CEP70: variants seen among roughly 807,000 people sequenced by gnomAD.
CEP70 encodes centrosomal protein of 70 kDa.
Under a neutral mutation model 90.9 loss-of-function variants are expected in CEP70, and 70 were observed. That is an observed-to-expected ratio of 0.77 (90% confidence interval 0.64 to 0.94). The LOEUF is 0.94. CEP70 is among the 40% of genes least tolerant of loss of function. The pLI, the probability that CEP70 is intolerant of heterozygous loss-of-function variation, is 0.00. For synonymous variants in CEP70, 220 were observed against 228.3 expected, an observed-to-expected ratio of 0.96 and a Z score of 0.33; for missense variants, 648 against 669.0, an observed-to-expected ratio of 0.97 and a Z score of 0.35.
chr3:138,590,676 T>C (rs945527137), intron 2 of CEP70, among the ~76,000 whole-genome samples: 21 of 148,132 alleles, frequency 1.4e-4, no homozygotes, highest in Non-Finnish European at 2.5e-4. Flanking sequence ...CCGATCCTGG[T>C]GGTGTGTGCC....
rs1167263875 is a variant in CEP70, at chr3:138,564,799, C to T, written c.465+5519G>A. Among the ~76,000 whole-genome samples, 4 of 152,244 alleles carry T rather than the reference C, an allele frequency of 2.6e-5. No homozygotes were observed. The South Asian group carries it at 6.2e-4, about 24-fold the overall frequency. On this transcript the variant is annotated intron_variant, in intron 6 of 17. Transcript: ENST00000264982. ...TGAAAACCAGCACAAAACAAAGATG[C>T]CCTCTCTCACCACTCCTATTCAACA...
At position 138,577,300 on chromosome 3, in the gene CEP70, A is replaced by T. The variant is rs185934752; in HGVS notation, c.-5-4368T>A. Among the ~76,000 whole-genome samples the T allele has an allele frequency of 7.2e-4, 110 of 152,292 alleles. 1 individual carries two copies. Among genetic ancestry groups the T allele is most frequent in the African/African-American group, 2.5e-3 (104 of 41,554 alleles). On this transcript the variant is annotated intron_variant, in intron 2 of 17. Coordinates refer to ENST00000264982, the MANE Select transcript of CEP70 (RefSeq NM_024491.4). ...CATGGCACATGTATACATATGTAAC[A>T]AACCTGCACGCTGTCATGTACTCTA...
chr3:138,507,408 A>C (rs2035086250), intron 12 of CEP70, among the ~76,000 whole-genome samples: 1 of 152,174 alleles, frequency 6.6e-6, no homozygotes. Flanking sequence ...TTATTTTTTA[A>C]TTTGAAAAAC....
chr3:138,525,526 A>G lies in CEP70; in HGVS notation c.908T>C (p.Val303Ala). The change falls in exon 11 of 18, where the codon GTG becomes GCG. Residue 303 changes from valine (V) to alanine (A), a missense_variant. Physicochemically the swap from Val to Ala is moderately conservative, Grantham distance 64. Coordinates refer to ENST00000264982, the MANE Select transcript of CEP70 (RefSeq NM_024491.4). ...QHELRLYKQQ[V>A]KKLEKALKKN... ...CTTAAGGGCTTTTTCCAGCTTCTTC[A>G]CCTGCTGTTTATAAAGTCTTAATTC... 1 of 1,423,340 alleles carries G rather than the reference A, an allele frequency of 7.0e-7. No individual in the cohort carries two copies. Among genetic ancestry groups the G allele is most frequent in the Non-Finnish European group, 9.2e-7 (1 of 1,081,286 alleles). 88.2% of individuals were successfully genotyped at this position (1,423,340 alleles called of 1,614,324 possible). A position where few individuals can be genotyped will look rare whatever the true frequency, so the allele number is the denominator to read the frequency against.
At chr3:138,577,407 G>A (rs2041605769) in intron 2 of CEP70, among the ~76,000 whole-genome samples, 1 of 152,072 alleles carries the variant, frequency 6.6e-6, no homozygotes, top group Admixed American at 6.5e-5. Flanking sequence ...CCAGCACTTT[G>A]GGAGGCCAAG....
intron 6 of CEP70, among the ~76,000 whole-genome samples, chr3:138,537,761 G>A (rs866188928): frequency 9.9e-5 from 15 of 152,122 alleles, no homozygotes; most frequent in African/African-American, 2.2e-4. Flanking sequence ...CAAACTCACA[G>A]TAAGTCCATA....
intron 6 of CEP70, among the ~76,000 whole-genome samples, chr3:138,546,610 G>C (rs7627093): frequency 1.3e-5 from 2 of 152,056 alleles, no homozygotes; most frequent in African/African-American, 4.8e-5. Context: ...TTAGCTGGGC[G>C]TAGTGGTGGG....
In CEP70 at chr3:138,540,221, G is replaced by A. The variant is rs907645107; in HGVS notation, c.466-2874C>T. Among the ~76,000 whole-genome samples, 12 of 152,090 alleles carry A rather than the reference G, an allele frequency of 7.9e-5. No homozygotes were observed. The South Asian group carries it at 1.0e-3, about 13-fold the overall frequency. ...TTAAAAAAAAAAGCTTAGGCCAGGC[G>A]CGGTGGCTCATGCCTGTAATCCCAA... On this transcript the variant is annotated intron_variant, in intron 6 of 17. Transcript: ENST00000264982.
intron 6 of CEP70, among the ~76,000 whole-genome samples, chr3:138,549,466 T>G (rs2039462143): frequency 6.6e-6 from 1 of 151,910 alleles, no homozygotes; most frequent in Non-Finnish European, 1.5e-5. Flanking sequence ...ACAATCTGCA[T>G]GACACAGCAG....
chr3:138,544,204 C>A, intron 6 of CEP70, among the ~76,000 whole-genome samples: 1 of 150,242 alleles, frequency 6.7e-6, no homozygotes, highest in Non-Finnish European at 1.5e-5. Flanking sequence ...AACTACAAAG[C>A]AAAAATAAAA....
intron 12 of CEP70, among the ~76,000 whole-genome samples, chr3:138,506,831 T>C (rs547664461): frequency 2.0e-5 from 3 of 152,274 alleles, no homozygotes; most frequent in Non-Finnish European, 4.4e-5. Context: ...AGCGTTGAAT[T>C]CCTGGGCTCA....
intron 2 of CEP70, among the ~76,000 whole-genome samples, chr3:138,579,985 C>T (rs2041765744): frequency 6.6e-6 from 1 of 152,000 alleles, no homozygotes; most frequent in Admixed American, 6.6e-5. Flanking sequence ...GAAGCCACTG[C>T]CCTGAAAGGT....
Position 138,500,235 on chromosome 3 carries a change from GAAAT to G in CEP70, c.1538-15_1538-12del, listed in dbSNP as rs760522040. Reference sequence around the variant, plus strand: ...ATGAGGATGAACTATCTGCAAAAGAGAAATAAAAGGATATTTTAACAGAGAATTT... The same window carrying G: ...ATGAGGATGAACTATCTGCAAAAGAGAAAAGGATATTTTAACAGAGAATTT... On this transcript the variant is annotated splice_polypyrimidine_tract_variant and intron_variant, in intron 15 of 17. Coordinates refer to ENST00000264982, the MANE Select transcript of CEP70 (RefSeq NM_024491.4). The G allele has an allele frequency of 3.8e-6, 6 of 1,587,006 alleles. No individual in the cohort carries two copies. The Admixed American group carries it at 1.0e-4, about 27-fold the overall frequency.
In CEP70 at chr3:138,539,697, C is replaced by T. The variant is rs142701722; in HGVS notation, c.466-2350G>A. ...ACCTCAAAAGAGCAAATCTAAGAAT[C>T]ATTGGCCTTCAAGAAGGAGTTGAGA... On this transcript the variant is annotated intron_variant, in intron 6 of 17. Transcript: ENST00000264982. Among the ~76,000 whole-genome samples, 5 of 152,234 alleles carry T rather than the reference C, an allele frequency of 3.3e-5. No individual in the cohort carries two copies. In the East Asian group the frequency reaches 9.6e-4, roughly 29 times the overall value.
chr3:138,571,057 A>G lies in CEP70; in HGVS notation c.261T>C (p.Leu87=), dbSNP rs1292602050. The change falls in exon 5 of 18, where the codon CTT becomes CTC. Residue 87 remains leucine (L), a synonymous_variant. Coordinates refer to ENST00000264982, the MANE Select transcript of CEP70 (RefSeq NM_024491.4). ...ACCTAAGCTGTTGATTAGTTTCTAT[A>G]AGCTCCTGTATCATGTTCTGTTGAC... The part of the protein sequence containing the change: ...TSCQQNMIQE[L]IETNQQLRNE... 12 of 1,598,940 alleles carry G rather than the reference A, an allele frequency of 7.5e-6. No individual in the cohort carries two copies. The highest frequency in any genetic ancestry group is 1.7e-5 in the Admixed American group (1 of 57,746).
chr3:138,571,339 C>A lies in CEP70; in HGVS notation c.87G>T (p.Trp29Cys), dbSNP rs1269537443. 6.2e-7 allele frequency: 1 copy of A among 1,607,584 alleles called. No individual in the cohort carries two copies. The highest frequency in any genetic ancestry group is 8.5e-7 in the Non-Finnish European group (1 of 1,176,012). Residue 29 changes from tryptophan to cysteine, a missense_variant, in exon 4 of 18, where the codon TGG becomes TGT. Coordinates refer to ENST00000264982, the MANE Select transcript of CEP70 (RefSeq NM_024491.4). Reference sequence around the variant, plus strand: ...TCATCAATAGCACATTTATGCTTTCCCATTCTGCTTCTTCCTGCTACAATT... The same window carrying A: ...TCATCAATAGCACATTTATGCTTTCACATTCTGCTTCTTCCTGCTACAATT... ...MTEKQQEEAE[W>C]ESINVLLMMH...
intron 11 of CEP70, among the ~76,000 whole-genome samples, chr3:138,522,681 T>G (rs145028619): frequency 6.6e-6 from 1 of 151,788 alleles, no homozygotes; most frequent in Non-Finnish European, 1.5e-5. Flanking sequence ...CAGGAAGAAG[T>G]TGAATCTCTG....
At chr3:138,496,233 A>C (rs918798947) in intron 17 of CEP70, 1 of 984,950 alleles carries the variant, frequency 1.0e-6, no homozygotes, top group African/African-American at 1.8e-5. Flanking sequence ...TTGGATTCCA[A>C]CTCTCTCCAT....
At chr3:138,524,763 A>G (rs2037036301) in intron 11 of CEP70, among the ~76,000 whole-genome samples, 1 of 152,162 alleles carries the variant, frequency 6.6e-6, no homozygotes, top group Non-Finnish European at 1.5e-5. Flanking sequence ...GTCAGGAAAC[A>G]ACAGGTGCTG....
Sources: gnomAD v4.1 joint callset for allele counts (sites outside exome capture counted in the v4.1 genomes callset) on GRCh38, gnomAD v4.1.1 for gene constraint, MANE v1.5 for transcripts, NCBI Gene and HGNC (gene_info 2026-07-23, HGNC 2026-07-21) for gene names.